LCN9: variants seen among roughly 807,000 people sequenced by gnomAD.
LCN9 encodes the protein lipocalin 9, also known as epididymal-specific lipocalin-9.
Under a neutral mutation model 18.5 loss-of-function variants are expected in LCN9, and 22 were observed. The observed-to-expected ratio is 1.19, with a 90% CI of 0.85 to 1.70. The LOEUF (loss-of-function observed/expected upper bound fraction) is 1.70. Among genes scored for constraint, LCN9 ranks in the 40% most tolerant of loss-of-function variants. The pLI is 0.00. For missense variants in LCN9, 202 were observed against 201.3 expected, an observed-to-expected ratio of 1.00 and a Z score of -0.02; for synonymous variants, 89 against 83.0, an observed-to-expected ratio of 1.07 and a Z score of -0.39.
chr9:135,664,263 G>T lies in LCN9; in HGVS notation c.198G>T (p.Leu66Phe). Residue 66 changes from leucine to phenylalanine, a missense_variant, in exon 2 of 6, where the codon TTG becomes TTT. Physicochemically the swap from Leu to Phe is conservative, Grantham distance 22 (BLOSUM62 0). Transcript: ENST00000619315. This position sits in a 1 kb window ranked among gnomAD's most constrained non-coding sequence, Gnocchi z 4.5. ...TCTTCGTCCGGAATATTGAACACTT[G>T]AAGAACGGCAGCCTAATATTTGATT... is the stretch of plus-strand genomic sequence containing the variant. 2 of 1,613,858 alleles carry T rather than the reference G, an allele frequency of 1.2e-6. No homozygotes were observed. Among genetic ancestry groups the T allele is most frequent in the Non-Finnish European group, 1.7e-6 (2 of 1,179,800 alleles).
In LCN9 at chr9:135,665,872, T is replaced by C. The variant is rs1477419156; in HGVS notation, c.*21T>C. On this transcript the variant is annotated 3_prime_UTR_variant, in exon 6 of 6. Transcript: ENST00000619315. This position sits in a 1 kb window ranked among gnomAD's most constrained non-coding sequence, Gnocchi z 5.9. ...CTCTGTCCTTCCAGATCCCTGCTAC[T>C]CCAAGCATTACAGGAGCCCGCCCAG... is the stretch of plus-strand genomic sequence containing the variant. The C allele has an allele frequency of 1.9e-6, 3 of 1,612,914 alleles. No individual in the cohort carries two copies. Among genetic ancestry groups the C allele is most frequent in the East Asian group, 2.2e-5 (1 of 44,846 alleles).
In LCN9 at chr9:135,664,395, C is replaced by G. The variant is rs1267489526; in HGVS notation, c.233+97C>G. The G allele has an allele frequency of 2.7e-6, 4 of 1,460,692 alleles. No homozygotes were observed. The highest frequency in any genetic ancestry group is 3.8e-6 in the Non-Finnish European group (4 of 1,058,272). The allele number at this position is 1,460,692 out of a possible 1,614,324, so 90.5% of individuals were successfully genotyped here. A position where few individuals can be genotyped will look rare whatever the true frequency, so the allele number is the denominator to read the frequency against. Reference sequence around the variant, plus strand: ...TTGCACACACACGCTCGCACACTCACTGACTTGCACTCTGGTGAGAGCCTG... The same window carrying G: ...TTGCACACACACGCTCGCACACTCAGTGACTTGCACTCTGGTGAGAGCCTG... On this transcript the variant is annotated intron_variant, in intron 2 of 5. Coordinates refer to ENST00000619315, the Ensembl canonical transcript of LCN9. This position sits in a 1 kb window ranked among gnomAD's most constrained non-coding sequence, Gnocchi z 4.5.
At position 135,665,643 on chromosome 9, in the gene LCN9, G is replaced by T. The variant is rs1588215894; in HGVS notation, c.419-45G>T. On this transcript the variant is annotated intron_variant, in intron 4 of 5. Coordinates refer to ENST00000619315, the Ensembl canonical transcript of LCN9. The surrounding 1 kb of genome is among the most constrained non-coding windows in gnomAD (Gnocchi z 5.9). Reference sequence around the variant, plus strand: ...CCCAGCTTCACACAGAACCAACTCTGTTCCCAGCACGGGTCCCATAGCTGG... The same window carrying T: ...CCCAGCTTCACACAGAACCAACTCTTTTCCCAGCACGGGTCCCATAGCTGG... The T allele has an allele frequency of 7.0e-6, 11 of 1,580,132 alleles. No homozygotes were observed. The East Asian group carries it at 2.3e-4, about 33-fold the overall frequency.
rs752907656 is a variant in LCN9 at position 135,665,706 on chromosome 9, A to G, written c.437A>G (p.Lys146Arg). Residue 146 changes from lysine (K) to arginine (R), a missense_variant, in exon 5 of 6, where the codon AAA becomes AGA. Transcript: ENST00000619315. The surrounding 1 kb of genome is among the most constrained non-coding windows in gnomAD (Gnocchi z 5.9). ...TGAGCAGATTTGAAGAAACCTGCGA[A>G]AAGTACGGACTTGGCTCACAAAATA... The G allele has an allele frequency of 8.1e-6, 13 of 1,613,364 alleles. No homozygotes were observed. The South Asian group carries it at 1.3e-4, about 16-fold the overall frequency.
rs1834185834 is a variant in LCN9 at position 135,664,645 on chromosome 9, G to C, written c.234-77G>C. 1.5e-6 allele frequency: 2 copies of C among 1,305,994 alleles called. No individual in the cohort carries two copies. The highest frequency in any genetic ancestry group is 3.0e-5 in the African/African-American group (2 of 66,724). The allele number at this position is 1,305,994 out of a possible 1,614,324, so 80.9% of individuals were successfully genotyped here. A position where few individuals can be genotyped will look rare whatever the true frequency, so the allele number is the denominator to read the frequency against. The stretch of plus-strand genomic sequence containing the variant: ...ATTGGGAGGGTGAGCCTGTGCCCTG[G>C]AGGAGGGGTGCTCTCTGCCATCGCA... On this transcript the variant is annotated intron_variant, in intron 2 of 5. Transcript: ENST00000619315. This position sits in a 1 kb window ranked among gnomAD's most constrained non-coding sequence, Gnocchi z 4.5.
rs769055648 is a variant in LCN9 at position 135,664,127 on chromosome 9, G to A, written c.97-35G>A. Reference sequence around the variant, plus strand: ...CGCTAAGCATCCCCAGGGCTGTCCCGCGGCCCCCCACCCACTGGAGCTCTT... The same window carrying A: ...CGCTAAGCATCCCCAGGGCTGTCCCACGGCCCCCCACCCACTGGAGCTCTT... On this transcript the variant is annotated intron_variant, in intron 1 of 5. Coordinates refer to ENST00000619315, the Ensembl canonical transcript of LCN9. The surrounding 1 kb of genome is among the most constrained non-coding windows in gnomAD (Gnocchi z 4.5). 1.8e-5 allele frequency: 29 copies of A among 1,591,746 alleles called. No individual in the cohort carries two copies. In the East Asian group the frequency reaches 2.5e-4, roughly 14 times the overall value.
chr9:135,665,523 C>G lies in LCN9; in HGVS notation c.419-165C>G. On this transcript the variant is annotated intron_variant, in intron 4 of 5. Transcript: ENST00000619315. This position sits in a 1 kb window ranked among gnomAD's most constrained non-coding sequence, Gnocchi z 5.9. ...CCGTTAGGGTGCTGGGTGCTTCAAT[C>G]TGTCACCTCCCATCTCACTTGGCAC... 1 of 822,732 alleles carries G rather than the reference C, an allele frequency of 1.2e-6. No individual in the cohort carries two copies. Among genetic ancestry groups the G allele is most frequent in the Admixed American group, 2.2e-5 (1 of 45,502 alleles). 51.0% of individuals were successfully genotyped at this position (822,732 alleles called of 1,614,324 possible).
chr9:135,665,784 G>C lies in LCN9; in HGVS notation c.*9+32G>C. 6.2e-7 allele frequency: 1 copy of C among 1,612,520 alleles called. No individual in the cohort carries two copies. Among genetic ancestry groups the C allele is most frequent in the African/African-American group, 1.3e-5 (1 of 75,026 alleles). On this transcript the variant is annotated intron_variant, in intron 5 of 5. Coordinates refer to ENST00000619315, the Ensembl canonical transcript of LCN9. The surrounding 1 kb of genome is among the most constrained non-coding windows in gnomAD (Gnocchi z 5.9). ...CCCACTGCTCCCGGACCAAGCGGGAGCCGGGACAGGGTGGGGATGGGAGGT... is the reference window on the plus strand; with the variant it reads ...CCCACTGCTCCCGGACCAAGCGGGACCCGGGACAGGGTGGGGATGGGAGGT...
chr9:135,664,853 C>T lies in LCN9; in HGVS notation c.307+58C>T. 1.3e-6 allele frequency: 2 copies of T among 1,504,348 alleles called. No homozygotes were observed. The highest frequency in any genetic ancestry group is 1.8e-6 in the Non-Finnish European group (2 of 1,107,456). The allele number at this position is 1,504,348 out of a possible 1,614,324, so 93.2% of individuals were successfully genotyped here. ...AGTCGGGGGTCTCCTTTCTCCAGGG[C>T]CTGGGCCATATTCTGGTGAGCACTG... On this transcript the variant is annotated intron_variant, in intron 3 of 5. Coordinates refer to ENST00000619315, the Ensembl canonical transcript of LCN9. This position sits in a 1 kb window ranked among gnomAD's most constrained non-coding sequence, Gnocchi z 4.5.
In LCN9 at chr9:135,665,367, G is replaced by C; in HGVS notation, c.418+12G>C. ...GCTGGCGCTCTATGGTACCTCCGCT[G>C]TCCCCCTCTGACCCCCTCGGGGACC... On this transcript the variant is annotated intron_variant, in intron 4 of 5. Coordinates refer to ENST00000619315, the Ensembl canonical transcript of LCN9. The surrounding 1 kb of genome is among the most constrained non-coding windows in gnomAD (Gnocchi z 5.9). 1 of 1,575,258 alleles carries C rather than the reference G, an allele frequency of 6.3e-7. No individual in the cohort carries two copies. The highest frequency in any genetic ancestry group is 8.6e-7 in the Non-Finnish European group (1 of 1,159,272).
At position 135,665,834 on chromosome 9, in the gene LCN9, C is replaced by T. The variant is rs529788501; in HGVS notation, c.*10-27C>T. 1.6e-4 allele frequency: 257 copies of T among 1,611,986 alleles called. 4 individuals are homozygous for T. In the South Asian group the frequency reaches 2.6e-3, roughly 16 times the overall value. ...TGTGCCTGCGGGGTCCCTGTCCCTG[C>T]GCTGAGAGCCCCCTCTGTCCTTCCA... On this transcript the variant is annotated intron_variant, in intron 5 of 5. Transcript: ENST00000619315. The surrounding 1 kb of genome is among the most constrained non-coding windows in gnomAD (Gnocchi z 5.9).
At position 135,664,931 on chromosome 9, in the gene LCN9, C is replaced by A; in HGVS notation, c.307+136C>A. 1 of 936,226 alleles carries A rather than the reference C, an allele frequency of 1.1e-6. No homozygotes were observed. Among genetic ancestry groups the A allele is most frequent in the Non-Finnish European group, 1.6e-6 (1 of 622,816 alleles). The allele number at this position is 936,226 out of a possible 1,614,324, so 58.0% of individuals were successfully genotyped here. A position where few individuals can be genotyped will look rare whatever the true frequency, so the allele number is the denominator to read the frequency against. Reference sequence around the variant, plus strand: ...ACAGCTTGACCCTGAACTGGAGGGACCCATCCTGGCACCTACCCAGGGGGG... The same window carrying A: ...ACAGCTTGACCCTGAACTGGAGGGAACCATCCTGGCACCTACCCAGGGGGG... On this transcript the variant is annotated intron_variant, in intron 3 of 5. Transcript: ENST00000619315. This position sits in a 1 kb window ranked among gnomAD's most constrained non-coding sequence, Gnocchi z 4.5.
At chr9:135,666,121 A>G in exon 6 of LCN9, 2 of 1,598,030 alleles carry the variant, frequency 1.3e-6, no homozygotes, top group Non-Finnish European at 1.7e-6. Context: ...GCAGGAAGTG[A>G]GATGGGGCCC....
In LCN9 at chr9:135,665,325, G is replaced by A. The variant is rs370267826; in HGVS notation, c.388G>A (p.Gly130Arg). 30 of 1,598,204 alleles carry A rather than the reference G, an allele frequency of 1.9e-5. No individual in the cohort carries two copies. The highest frequency in any genetic ancestry group is 1.4e-4 in the African/African-American group (10 of 72,400). Residue 130 changes from glycine (G) to arginine (R), a missense_variant, in exon 4 of 6, where the codon GGG becomes AGG. Coordinates refer to ENST00000619315, the Ensembl canonical transcript of LCN9. The surrounding 1 kb of genome is among the most constrained non-coding windows in gnomAD (Gnocchi z 5.9). ...CTTCCACCTCCAGAACTTCAGGAAC[G>A]GGACCGAGACCCACACGCTGGCGCT...
intron 1 of LCN9, among the ~76,000 whole-genome samples, chr9:135,663,890 G>GA (rs1164106784): frequency 7.5e-5 from 10 of 133,518 alleles, no homozygotes; most frequent in Non-Finnish European, 1.4e-4. Flanking sequence ...GGGGACCTTG[G>GA]GATCAAAGGG....
exon 6 of LCN9, among the ~76,000 whole-genome samples, chr9:135,666,697 G>A (rs991665804): frequency 1.1e-4 from 17 of 152,172 alleles, no homozygotes; most frequent in African/African-American, 4.1e-4. Context: ...GTAAAGGAGT[G>A]GATGTACCTG....
chr9:135,666,843 T>G, exon 6 of LCN9, among the ~76,000 whole-genome samples: 1 of 142,344 alleles, frequency 7.0e-6, no homozygotes, highest in South Asian at 2.5e-4. Context: ...TCCCCTCCTG[T>G]CCCCTCCCTG....
chr9:135,664,405 C>G lies in LCN9; in HGVS notation c.233+107C>G. The G allele has an allele frequency of 1.4e-6, 2 of 1,418,164 alleles. No homozygotes were observed. The highest frequency in any genetic ancestry group is 2.5e-5 in the South Asian group (2 of 80,308). 87.8% of individuals were successfully genotyped at this position (1,418,164 alleles called of 1,614,324 possible). ...ACGCTCGCACACTCACTGACTTGCA[C>G]TCTGGTGAGAGCCTGAGCCTGTGCG... is the stretch of plus-strand genomic sequence containing the variant. On this transcript the variant is annotated intron_variant, in intron 2 of 5. Transcript: ENST00000619315. This position sits in a 1 kb window ranked among gnomAD's most constrained non-coding sequence, Gnocchi z 4.5.
exon 1 of LCN9, chr9:135,663,339 G>C: frequency 1.2e-6 from 2 of 1,613,792 alleles, no homozygotes; most frequent in Non-Finnish European, 1.7e-6. Flanking sequence ...TGCTTCTGCT[G>C]AGCCTGGGGC....
Sources: allele counts gnomAD v4.1 joint callset (sites outside exome capture counted in the v4.1 genomes callset), GRCh38; gene constraint gnomAD v4.1.1; non-coding constraint Gnocchi (gnomAD v3.1); transcripts MANE v1.5; gene names NCBI Gene and HGNC (gene_info 2026-07-23, HGNC 2026-07-21).